Variants in CDYL2 observed in about 807,000 individuals in gnomAD.
CDYL2 encodes chromodomain Y like 2.
A neutral mutation model predicts 49.4 loss-of-function variants in CDYL2; 23 were observed. The ratio of observed to expected loss-of-function variants is 0.47; its 90% CI spans 0.34 to 0.66. CDYL2 has a LOEUF of 0.66. CDYL2 is among the 30% of genes least tolerant of loss of function. The pLI, the probability that CDYL2 is intolerant of heterozygous loss-of-function variation, is 0.01. For missense variants in CDYL2, 678 were observed against 656.4 expected, an observed-to-expected ratio of 1.03 and a Z score of -0.36; for synonymous variants, 360 against 268.8, an observed-to-expected ratio of 1.34 and a Z score of -3.32.
intron 1 of CDYL2, among the ~76,000 whole-genome samples, chr16:80,803,513 C>T (rs1384970592): frequency 6.6e-6 from 1 of 151,970 alleles, no homozygotes; most frequent in African/African-American, 2.4e-5. Flanking sequence ...CGAGCTGGTG[C>T]GGGGGCAGCA....
chr16:80,757,714 T>C (rs935499888), intron 1 of CDYL2, among the ~76,000 whole-genome samples: 7 of 151,606 alleles, frequency 4.6e-5, no homozygotes, highest in Admixed American at 2.6e-4. Flanking sequence ...AAAAGCAAAA[T>C]TGAACAGAAC....
intron 1 of CDYL2, among the ~76,000 whole-genome samples, chr16:80,773,949 G>C (rs963042862): frequency 2.6e-5 from 4 of 152,034 alleles, no homozygotes; most frequent in Non-Finnish European, 5.9e-5. Flanking sequence ...AAACAGATAG[G>C]TTTATAGAAG....
At chr16:80,609,362 GCC>G (rs1296591217) in intron 5 of CDYL2, among the ~76,000 whole-genome samples, 37 of 152,322 alleles carry the variant, frequency 2.4e-4, no homozygotes, top group African/African-American at 8.4e-4. Flanking sequence ...ACGCTGAAAT[GCC>G]AGGCACTCTC....
At chr16:80,734,846 G>T (rs989573708) in intron 1 of CDYL2, among the ~76,000 whole-genome samples, 1 of 152,118 alleles carries the variant, frequency 6.6e-6, no homozygotes, top group Non-Finnish European at 1.5e-5. Context: ...TTTAAAGCTA[G>T]AAGTCATAAT....
intron 1 of CDYL2, among the ~76,000 whole-genome samples, chr16:80,711,768 T>C (rs914070344): frequency 2.0e-5 from 3 of 152,082 alleles, no homozygotes; most frequent in Admixed American, 6.5e-5. Flanking sequence ...ATCTGAAGCA[T>C]AGTGTTTCAA....
chr16:80,675,631 G>C (rs1909713917), intron 2 of CDYL2, among the ~76,000 whole-genome samples: 2 of 152,138 alleles, frequency 1.3e-5, no homozygotes, highest in Admixed American at 1.3e-4. Context: ...AGGAGGTGAA[G>C]TTTTATTATT....
chr16:80,754,371 A>C (rs1354407360), intron 1 of CDYL2, among the ~76,000 whole-genome samples: 2 of 152,206 alleles, frequency 1.3e-5, no homozygotes, highest in African/African-American at 2.4e-5. Flanking sequence ...GATTTGGAAC[A>C]AACAGAGATT....
chr16:80,774,883 G>A (rs924243067), intron 1 of CDYL2, among the ~76,000 whole-genome samples: 1 of 147,594 alleles, frequency 6.8e-6, no homozygotes, highest in East Asian at 2.0e-4. Context: ...CATAGAAACT[G>A]ACTGAATTTA....
At chr16:80,648,222 GT>G (rs1490306967) in intron 2 of CDYL2, among the ~76,000 whole-genome samples, 1 of 152,010 alleles carries the variant, frequency 6.6e-6, no homozygotes, top group Non-Finnish European at 1.5e-5. Context: ...TCAAAAAGTT[GT>G]TTTTTTGAAA....
chr16:80,668,963 A>AT lies in CDYL2; in HGVS notation c.616+15574dup, dbSNP rs564139617. 2.1e-3 allele frequency among the ~76,000 whole-genome samples: 313 copies of AT among 152,152 alleles called. 1 individual carries two copies. Among genetic ancestry groups the AT allele is most frequent in the African/African-American group, 7.2e-3 (297 of 41,524 alleles). On this transcript the variant is annotated intron_variant, in intron 2 of 6. Coordinates refer to ENST00000570137, the MANE Select transcript of CDYL2 (RefSeq NM_152342.4). Reference sequence around the variant, plus strand: ...TGCTTATATTTTCCATACTGTTTGAATTTTTTACAACTCACCTATTTGTAA... The same window carrying AT: ...TGCTTATATTTTCCATACTGTTTGAATTTTTTTACAACTCACCTATTTGTAA...
At chr16:80,752,643 G>A (rs889429685) in intron 1 of CDYL2, among the ~76,000 whole-genome samples, 3 of 152,114 alleles carry the variant, frequency 2.0e-5, no homozygotes, top group African/African-American at 7.2e-5. Context: ...TTTGCCCTAT[G>A]GAAATATCCT....
rs1907629965 is a variant in CDYL2, at chr16:80,632,894, G to A, written c.834+125C>T. On this transcript the variant is annotated intron_variant, in intron 3 of 6. Transcript: ENST00000570137. ...TGAGCAAATTGCGCGCTGCAGTCAA[G>A]TTTTTATGCACGCTAGTTACCATCC... 4 of 907,518 alleles carry A rather than the reference G, an allele frequency of 4.4e-6. No homozygotes were observed. The South Asian group carries it at 6.4e-5, about 15-fold the overall frequency. 56.2% of individuals were successfully genotyped at this position (907,518 alleles called of 1,614,324 possible). A position where few individuals can be genotyped will look rare whatever the true frequency, so the allele number is the denominator to read the frequency against.
rs1297781765 is a variant in CDYL2, at chr16:80,598,082, GATT to G, written c.*6303_*6305del. On this transcript the variant is annotated 3_prime_UTR_variant, in exon 7 of 7. Transcript: ENST00000570137. ...ACAGTCAGGATTTGATAAATCAGAA[GATT>G]ATTATCCCTCAGTACTGCACCCAGT... 1 of 152,096 alleles carries G rather than the reference GATT, an allele frequency of 6.6e-6. No individual in the cohort carries two copies. Among genetic ancestry groups the G allele is most frequent in the African/African-American group, 2.4e-5 (1 of 41,424 alleles). The allele number at this position is 152,096 out of a possible 1,614,324, so 9.4% of individuals were successfully genotyped here.
In CDYL2 at chr16:80,740,941, C is replaced by T. The variant is rs112036651; in HGVS notation, c.25-55812G>A. Among the ~76,000 whole-genome samples, 14 of 151,314 alleles carry T rather than the reference C, an allele frequency of 9.3e-5. 1 individual carries two copies. The highest frequency in any genetic ancestry group is 3.1e-4 in the African/African-American group (13 of 41,308). On this transcript the variant is annotated intron_variant, in intron 1 of 6. Transcript: ENST00000570137. ...ACATGTTAATTTTTTCAACTTAAAG[C>T]AATTTCAATCAAAACCCCATCTGGA...
chr16:80,712,215 A>ATATATATATATATATATCTC (rs763194077), intron 1 of CDYL2, among the ~76,000 whole-genome samples: 1,751 of 128,184 alleles, frequency 0.014, 41 homozygotes, highest in Middle Eastern at 0.031. Flanking sequence ...ATATATATAT[A>ATATATATATATATATATCTC]TCTCCAAACC....
intron 1 of CDYL2, among the ~76,000 whole-genome samples, chr16:80,727,608 G>A (rs937665553): frequency 2.0e-5 from 3 of 152,236 alleles, no homozygotes; most frequent in Non-Finnish European, 2.9e-5. Flanking sequence ...AGCTCAAGGA[G>A]GCCTGCCTGC....
chr16:80,695,295 C>T (rs1263915393), intron 1 of CDYL2, among the ~76,000 whole-genome samples: 9 of 152,182 alleles, frequency 5.9e-5, no homozygotes. Flanking sequence ...ACACTTATCA[C>T]TATACAAAAC....
rs1906811089 is a variant in CDYL2, at chr16:80,615,999, C to T, written c.1008-3163G>A. Among the ~76,000 whole-genome samples, 3 of 152,162 alleles carry T rather than the reference C, an allele frequency of 2.0e-5. No individual in the cohort carries two copies. In the South Asian group the frequency reaches 6.2e-4, roughly 32 times the overall value. On this transcript the variant is annotated intron_variant, in intron 4 of 6. Transcript: ENST00000570137. ...GGGGCTGCGTGGGGAAAACTGTACGCCACCTTCCCCCACATCCAAGGCCAT... is the reference window on the plus strand; with the variant it reads ...GGGGCTGCGTGGGGAAAACTGTACGTCACCTTCCCCCACATCCAAGGCCAT...
chr16:80,623,467 C>T (rs1297927383), intron 3 of CDYL2, among the ~76,000 whole-genome samples: 1 of 152,208 alleles, frequency 6.6e-6, no homozygotes, highest in East Asian at 1.9e-4. Flanking sequence ...CTGCCCCAAG[C>T]ACTTTCAAAC....
Sources: gnomAD v4.1 joint callset for allele counts (sites outside exome capture counted in the v4.1 genomes callset) on GRCh38, gnomAD v4.1.1 for gene constraint, MANE v1.5 for transcripts, NCBI Gene and HGNC (gene_info 2026-07-23, HGNC 2026-07-21) for gene names.